Variants in EP300 observed in about 807,000 individuals in gnomAD.
The protein encoded by EP300 is histone acetyltransferase p300.
A neutral mutation model predicts 264.0 loss-of-function variants in EP300; 31 were observed. The ratio of observed to expected loss-of-function variants is 0.12; its 90% confidence interval spans 0.09 to 0.16. The LOEUF is 0.16. Among genes scored for constraint, EP300 ranks in the 10% least tolerant of loss-of-function variants. The probability of loss-of-function intolerance (pLI) is 1.00; values close to 1 mark genes in which losing one functional copy is unlikely to be tolerated. For synonymous variants in EP300, 1,340 were observed against 1,045.4 expected, an observed-to-expected ratio of 1.28 and a Z score of -5.44; for missense variants, 2,766 against 3,052.9, an observed-to-expected ratio of 0.91 and a Z score of 2.21.
intron 1 of EP300, among the ~76,000 whole-genome samples, chr22:41,103,065 G>T (rs1260626695): frequency 6.6e-6 from 1 of 152,120 alleles, no homozygotes; most frequent in Admixed American, 6.6e-5. Context: ...GATCAGGCTG[G>T]TCTCGAACTC....
At chr22:41,102,029 C>CTTTTTTTTTTTTTTTTTTTTTTTTTTTTT (rs5845488) in intron 1 of EP300, among the ~76,000 whole-genome samples, 1 of 119,260 alleles carries the variant, frequency 8.4e-6, no homozygotes, top group African/African-American at 3.1e-5. Flanking sequence ...TTTTTCTTTT[C>CTTTTTTTTTTTTTTTTTTTTTTTTTTTTT]TTTTTTTTTT....
intron 19 of EP300, chr22:41,160,362 G>A (rs1431586660): frequency 1.5e-5 from 6 of 392,248 alleles, no homozygotes; most frequent in Middle Eastern, 7.5e-4. Flanking sequence ...TTCTTCGTTT[G>A]TTTTGTGTTT....
intron 4 of EP300, among the ~76,000 whole-genome samples, chr22:41,129,342 C>CT (rs2058902984): frequency 6.6e-6 from 1 of 152,154 alleles, no homozygotes; most frequent in South Asian, 2.1e-4. Flanking sequence ...GAGCAAGTAT[C>CT]TAAGGATGTG....
At chr22:41,155,281 T>C (rs1157512455) in intron 17 of EP300, among the ~76,000 whole-genome samples, 168 bp downstream of exon 17, 3 of 151,922 alleles carry the variant, frequency 2.0e-5, no homozygotes, top group African/African-American at 7.3e-5. Context: ...TAGGCTGGAG[T>C]GCAGTGGCAC....
Position 41,149,130 on chromosome 22 carries a change from A to G in EP300, c.2334A>G (p.Thr778=), listed in dbSNP as rs374281264. The G allele has an allele frequency of 6.8e-5, 110 of 1,614,004 alleles. 1 individual carries two copies. The South Asian group carries it at 7.4e-4, about 11-fold the overall frequency. ...TQFPSQGMNV[T]NIPLAPSSGQ... ...TCCCATCACAGGGAATGAATGTAAC[A>G]AATATCCCTTTGGCTCCGTCCAGCG... Residue 778 remains threonine, a synonymous_variant, in exon 13 of 31, where the codon ACA becomes ACG. Transcript: ENST00000263253.
chr22:41,119,142 G>T (rs1426639279), intron 2 of EP300, among the ~76,000 whole-genome samples: 2 of 143,696 alleles, frequency 1.4e-5, no homozygotes, highest in African/African-American at 5.2e-5. Context: ...AGCTGGAACT[G>T]AAGGCACATA....
In EP300 at chr22:41,117,546, G is replaced by A. The variant is rs142758675; in HGVS notation, c.454G>A (p.Gly152Ser). Residue 152 changes from glycine to serine, a missense_variant, in exon 2 of 31, where the codon GGT (glycine) becomes AGT (serine). Transcript: ENST00000263253. Reference sequence around the variant, plus strand: ...AAATCAGGGTCCTACGCAGTCAACAGGTATGATGAACAGTCCAGTAAATCA... The same window carrying A: ...AAATCAGGGTCCTACGCAGTCAACAAGTATGATGAACAGTCCAGTAAATCA... ...GPNQGPTQST[G>S]MMNSPVNQPA... 1.9e-5 allele frequency: 31 copies of A among 1,614,138 alleles called. No homozygotes were observed. The African/African-American group carries it at 2.9e-4, about 15-fold the overall frequency.
Position 41,179,852 on chromosome 22 carries a change from C to G in EP300, c.*896C>G, listed in dbSNP as rs2145527862. The G allele has an allele frequency of 4.7e-6, 1 of 214,276 alleles. No homozygotes were observed. The highest frequency in any genetic ancestry group is 9.2e-6 in the Non-Finnish European group (1 of 108,342). 13.3% of individuals were successfully genotyped at this position (214,276 alleles called of 1,614,324 possible). ...TCCCTGGGGGTTTCTTCTTTGCTTG[C>G]TTTCTTCCTCCTTACCCTACCCCCC... On this transcript the variant is annotated 3_prime_UTR_variant, in exon 31 of 31. Transcript: ENST00000263253.
intron 1 of EP300, among the ~76,000 whole-genome samples, chr22:41,102,323 A>G (rs973597581): frequency 6.6e-6 from 1 of 152,148 alleles, no homozygotes; most frequent in African/African-American, 2.4e-5. Flanking sequence ...AGGAGAACCT[A>G]ACCCAGTAGT....
intron 1 of EP300, among the ~76,000 whole-genome samples, chr22:41,095,232 ATTTT>A (rs66515117): frequency 1.7e-3 from 136 of 80,254 alleles, no homozygotes; most frequent in African/African-American, 7.3e-3. Flanking sequence ...TACCATTGTA[ATTTT>A]TTTTTTTTTT....
chr22:41,094,781 A>C (rs1355301309), intron 1 of EP300, among the ~76,000 whole-genome samples: 1 of 152,136 alleles, frequency 6.6e-6, no homozygotes, highest in Non-Finnish European at 1.5e-5. Flanking sequence ...TTTACATTGG[A>C]GTTAGCCAGT....
rs893744867 is a variant in EP300, at chr22:41,179,441, A to G, written c.*485A>G. ...GGGGTTAATGTTACTTTAAAATTAC[A>G]TTCTATATATATATAAATATATATA... On this transcript the variant is annotated 3_prime_UTR_variant, in exon 31 of 31. Transcript: ENST00000263253. 5.9e-6 allele frequency: 1 copy of G among 169,938 alleles called. No individual in the cohort carries two copies. Among genetic ancestry groups the G allele is most frequent in the African/African-American group, 2.4e-5 (1 of 41,504 alleles). 10.5% of individuals were successfully genotyped at this position (169,938 alleles called of 1,614,324 possible).
At chr22:41,140,026 A>G in intron 8 of EP300, 114 bp from the exon 9 acceptor site, 1 of 785,374 alleles carries the variant, frequency 1.3e-6, no homozygotes, top group Non-Finnish European at 2.3e-6. Context: ...TAAGTAATAT[A>G]TATCACCTTG....
intron 14 of EP300, among the ~76,000 whole-genome samples, chr22:41,150,525 A>T (rs970052400): frequency 6.6e-6 from 1 of 152,166 alleles, no homozygotes; most frequent in African/African-American, 2.4e-5. Flanking sequence ...TGCAGCACAT[A>T]AATTTTACAT....
chr22:41,167,084 G>A (rs1421224252), intron 23 of EP300, among the ~76,000 whole-genome samples: 1 of 152,160 alleles, frequency 6.6e-6, no homozygotes, highest in Non-Finnish European at 1.5e-5. Flanking sequence ...TGCAACCTCC[G>A]CCTCCCAGGT....
At chr22:41,100,842 A>G (rs17002284) in intron 1 of EP300, among the ~76,000 whole-genome samples, 39,634 of 151,840 alleles carry the variant, frequency 0.26, 6,368 homozygotes, top group East Asian at 0.54. Context: ...AGGGACAACC[A>G]TATATATATA....
chr22:41,153,594 A>T (rs1275676740), intron 16 of EP300, among the ~76,000 whole-genome samples: 1 of 152,098 alleles, frequency 6.6e-6, no homozygotes, highest in Admixed American at 6.6e-5. Flanking sequence ...TACTAAAAGT[A>T]CAAAAGTTAG....
At position 41,135,861 on chromosome 22, in the gene EP300, GTCT is replaced by G. The variant is rs1325302629; in HGVS notation, c.1582_1584del (p.Leu528del). The G allele has an allele frequency of 1.2e-6, 2 of 1,614,106 alleles. No individual in the cohort carries two copies. The highest frequency in any genetic ancestry group is 1.7e-5 in the Admixed American group (1 of 59,996). On this transcript the variant is annotated inframe_deletion, in exon 7 of 31. Coordinates refer to ENST00000263253, the MANE Select transcript of EP300 (RefSeq NM_001429.4). ...GGAGGTGTAGGAGTTCAAACGCCGA[GTCT>G]TCTTTCTGACTCAATGTTGCATTCA...
chr22:41,117,494 C>T lies in EP300; in HGVS notation c.402C>T (p.Pro134=). 1 of 1,613,592 alleles carries T rather than the reference C, an allele frequency of 6.2e-7. No homozygotes were observed. Among genetic ancestry groups the T allele is most frequent in the Non-Finnish European group, 8.5e-7 (1 of 1,179,506 alleles). Residue 134 remains proline (P), a synonymous_variant, in exon 2 of 31, where the codon CCC becomes CCT. Transcript: ENST00000263253. The stretch of plus-strand genomic sequence containing the variant: ...TGACACAGGCAGGCTTGACTTCTCC[C>T]AACATGGGGATGGGCACTAGTGGAC... ...SPMTQAGLTS[P]NMGMGTSGPN... is the part of the protein sequence containing the mutation.
Sources: allele counts gnomAD v4.1 joint callset (sites outside exome capture counted in the v4.1 genomes callset), GRCh38; gene constraint gnomAD v4.1.1; transcripts MANE v1.5; gene names NCBI Gene and HGNC (gene_info 2026-07-23, HGNC 2026-07-21).